KIF20B: variants seen among roughly 807,000 people sequenced by gnomAD.
The protein encoded by KIF20B is kinesin-like protein KIF20B.
Under a neutral mutation model 232.5 loss-of-function variants are expected in KIF20B, and 188 were observed. That is an observed-to-expected ratio of 0.81 (90% CI 0.72 to 0.91). KIF20B has a LOEUF of 0.91. Ranked by LOEUF, KIF20B falls within the 40% of genes least tolerant of loss-of-function variation. The probability of loss-of-function intolerance (pLI) is 0.00; values close to 1 mark genes in which losing one functional copy is unlikely to be tolerated. For synonymous variants in KIF20B, 712 were observed against 683.0 expected, an observed-to-expected ratio of 1.04 and a Z score of -0.66; for missense variants, 2,154 against 2,055.9, an observed-to-expected ratio of 1.05 and a Z score of -0.92.
intron 15 of KIF20B, among the ~76,000 whole-genome samples, chr10:89,725,945 G>A (rs1183789497): frequency 2.0e-5 from 3 of 152,146 alleles, no homozygotes; most frequent in South Asian, 2.1e-4. Context: ...GATTGACTGA[G>A]TTGTGAAAAT....
rs981124300 is a variant in KIF20B, at chr10:89,774,729, TA to T, written c.*682del. On this transcript the variant is annotated 3_prime_UTR_variant, in exon 33 of 33. Coordinates refer to ENST00000371728, the MANE Select transcript of KIF20B (RefSeq NM_001284259.2). ...ATCATTTAAAAATATACAAGTAAGT[TA>T]TTATTGATTATAGTCACTCTATTGT... 2.6e-5 allele frequency: 4 copies of T among 151,982 alleles called. No individual in the cohort carries two copies. The highest frequency in any genetic ancestry group is 5.9e-5 in the Non-Finnish European group (4 of 67,948). The allele number at this position is 151,982 out of a possible 1,614,324, so 9.4% of individuals were successfully genotyped here. A position where few individuals can be genotyped will look rare whatever the true frequency, so the allele number is the denominator to read the frequency against.
chr10:89,767,574 A>C (rs894179707), intron 29 of KIF20B, among the ~76,000 whole-genome samples: 2 of 151,320 alleles, frequency 1.3e-5, no homozygotes, highest in Non-Finnish European at 2.9e-5. Context: ...CTTTTTCCTG[A>C]ACTTTTATCT....
chr10:89,752,528 G>A (rs752439875), intron 24 of KIF20B, 39 bp from the exon 25 acceptor site: 1 of 1,491,234 alleles, frequency 6.7e-7, no homozygotes, highest in Non-Finnish European at 9.1e-7. Context: ...TATAACTTTT[G>A]CATATGCTTT....
intron 29 of KIF20B, among the ~76,000 whole-genome samples, 160 bp from the exon 30 acceptor site, chr10:89,768,130 A>G (rs1564676928): frequency 1.3e-5 from 2 of 152,062 alleles, no homozygotes; most frequent in African/African-American, 4.8e-5. Flanking sequence ...AACCAAAAAT[A>G]TCTTCAAACA....
chr10:89,702,936 A>T (rs1842642834), intron 1 of KIF20B, among the ~76,000 whole-genome samples: 1 of 152,224 alleles, frequency 6.6e-6, no homozygotes. Flanking sequence ...AGTAGAAGTC[A>T]TCTAAAATCG....
chr10:89,752,237 C>T (rs908874044), intron 24 of KIF20B, among the ~76,000 whole-genome samples: 1 of 152,058 alleles, frequency 6.6e-6, no homozygotes, highest in Non-Finnish European at 1.5e-5. Context: ...TGTGTGACTT[C>T]ATACTTTTCT....
rs781711799 is a variant in KIF20B, at chr10:89,738,643, T to G, written c.3776+26T>G. 3.3e-6 allele frequency: 5 copies of G among 1,520,550 alleles called. No homozygotes were observed. In the South Asian group the frequency reaches 5.4e-5, roughly 16 times the overall value. The allele number at this position is 1,520,550 out of a possible 1,614,324, so 94.2% of individuals were successfully genotyped here. A position where few individuals can be genotyped will look rare whatever the true frequency, so the allele number is the denominator to read the frequency against. The stretch of plus-strand genomic sequence containing the variant: ...GTAAGCTAAATGTTATTCAAAATAT[T>G]TTAAAATACACAAAGCATTCATTTT... On this transcript the variant is annotated intron_variant, in intron 20 of 32. Coordinates refer to ENST00000371728, the MANE Select transcript of KIF20B (RefSeq NM_001284259.2).
rs1842021975 is a variant in KIF20B at position 89,751,491 on chromosome 10, A to G, written c.4222+20A>G. 1.3e-6 allele frequency: 2 copies of G among 1,584,102 alleles called. No homozygotes were observed. The highest frequency in any genetic ancestry group is 2.4e-5 in the South Asian group (2 of 83,544). Reference sequence around the variant, plus strand: ...CCACAGGTAAAACAAGATTGCTTACATTTCTCTAAATATACTTTTTCATTT... The same window carrying G: ...CCACAGGTAAAACAAGATTGCTTACGTTTCTCTAAATATACTTTTTCATTT... On this transcript the variant is annotated intron_variant, in intron 24 of 32. Transcript: ENST00000371728.
intron 22 of KIF20B, among the ~76,000 whole-genome samples, chr10:89,744,309 C>CA (rs1841866552): frequency 6.6e-6 from 1 of 152,118 alleles, no homozygotes; most frequent in Non-Finnish European, 1.5e-5. Context: ...TTTATAACCT[C>CA]AGACTCTTCA....
intron 18 of KIF20B, among the ~76,000 whole-genome samples, chr10:89,731,245 A>C (rs1236733366): frequency 1.3e-5 from 2 of 152,188 alleles, no homozygotes; most frequent in Non-Finnish European, 2.9e-5. Flanking sequence ...TTCACATGGG[A>C]TTATATTTAT....
chr10:89,728,001 T>A (rs928271800), intron 17 of KIF20B, 105 bp downstream of exon 17: 1 of 1,046,468 alleles, frequency 9.6e-7, no homozygotes, highest in African/African-American at 1.6e-5. Context: ...AACAGTAATA[T>A]AGTCTCTTGG....
intron 1 of KIF20B, among the ~76,000 whole-genome samples, chr10:89,701,953 T>C (rs1210496743): frequency 6.6e-6 from 1 of 152,242 alleles, no homozygotes; most frequent in Admixed American, 6.5e-5. Context: ...TCTCTCTCTG[T>C]ACCTTAGTTT....
chr10:89,716,590 G>A (rs1282512917), intron 9 of KIF20B, 43 bp downstream of exon 9: 13 of 924,026 alleles, frequency 1.4e-5, no homozygotes, highest in Non-Finnish European at 3.4e-6. Context: ...ATCACCGATA[G>A]TATTCTGTGT....
chr10:89,733,037 T>C lies in KIF20B; in HGVS notation c.2526T>C (p.Asp842=). ...TAAATGAAAATGAACTTCAGCAAGA[T>C]GAACCACCAGCAAAGAAAGGTACTA... ...KRVNENELQQ[D]EPPAKKGSIH... The change falls in exon 19 of 33, where the codon GAT becomes GAC. Residue 842 remains aspartate, a synonymous_variant. Transcript: ENST00000371728. 6.2e-7 allele frequency: 1 copy of C among 1,613,704 alleles called. No individual in the cohort carries two copies. The highest frequency in any genetic ancestry group is 1.1e-5 in the South Asian group (1 of 91,076).
chr10:89,706,465 C>T (rs999251486), intron 2 of KIF20B, among the ~76,000 whole-genome samples: 2 of 151,908 alleles, frequency 1.3e-5, no homozygotes, highest in African/African-American at 2.4e-5. Context: ...TGTGTGTGTT[C>T]TCTTTAAGAA....
At chr10:89,762,057 G>A (rs1842253584) in intron 28 of KIF20B, among the ~76,000 whole-genome samples, 1 of 152,150 alleles carries the variant, frequency 6.6e-6, no homozygotes, top group South Asian at 2.1e-4. Flanking sequence ...CTGTGGATTG[G>A]ACCTCTCATG....
In KIF20B at chr10:89,719,458, T is replaced by C; in HGVS notation, c.1474T>C (p.Leu492=). The change falls in exon 13 of 33, where the codon TTA becomes CTA. Residue 492 remains leucine (L), a synonymous_variant. Transcript: ENST00000371728. ...PDTLNSSQEK[L]FGPVKSSQDV... ...CACTTTAAATTCCTCTCAAGAGAAATTATTTGGACCTGTCAAATCTTCTCA... is the reference window on the plus strand; with the variant it reads ...CACTTTAAATTCCTCTCAAGAGAAACTATTTGGACCTGTCAAATCTTCTCA... 6.3e-7 allele frequency: 1 copy of C among 1,593,096 alleles called. No individual in the cohort carries two copies. Among genetic ancestry groups the C allele is most frequent in the African/African-American group, 1.4e-5 (1 of 73,548 alleles).
chr10:89,707,902 C>T (rs1221684122), intron 2 of KIF20B, among the ~76,000 whole-genome samples: 2 of 152,160 alleles, frequency 1.3e-5, no homozygotes, highest in Non-Finnish European at 2.9e-5. Flanking sequence ...GCTGTTTTCC[C>T]ATCTGTAGAG....
At chr10:89,739,563 A>G (rs1421497214) in intron 21 of KIF20B, among the ~76,000 whole-genome samples, 1 of 124,222 alleles carries the variant, frequency 8.1e-6, no homozygotes, top group Non-Finnish European at 1.7e-5. Flanking sequence ...AAATGTTACC[A>G]ATTTCTTTCT....
Sources: allele counts gnomAD v4.1 joint callset (sites outside exome capture counted in the v4.1 genomes callset), GRCh38; gene constraint gnomAD v4.1.1; transcripts MANE v1.5; gene names NCBI Gene and HGNC (gene_info 2026-07-23, HGNC 2026-07-21).